Variants in PLCE1 observed in about 807,000 individuals in gnomAD.
PLCE1 encodes phospholipase C epsilon 1.
PLCE1 carries 119 observed loss-of-function variants against 242.8 expected under a neutral mutation model. The ratio of observed to expected loss-of-function variants is 0.49; its 90% confidence interval spans 0.42 to 0.57. The LOEUF (loss-of-function observed/expected upper bound fraction) is 0.57, where lower values mean the gene tolerates loss of function less well. PLCE1 is among the 20% of genes least tolerant of loss of function. The pLI, the probability that PLCE1 is intolerant of heterozygous loss-of-function variation, is 0.00. For missense variants in PLCE1, 2,441 were observed against 2,788.8 expected, an observed-to-expected ratio of 0.88 and a Z score of 2.81; for synonymous variants, 945 against 1,017.4, an observed-to-expected ratio of 0.93 and a Z score of 1.35.
intron 24 of PLCE1, among the ~76,000 whole-genome samples, chr10:94,302,129 C>T (rs1467641858): frequency 1.3e-5 from 2 of 152,116 alleles, no homozygotes; most frequent in Admixed American, 6.6e-5. Context: ...GGGACCATGT[C>T]CAGGGGACAG....
rs2052116833 is a variant in PLCE1, at chr10:94,279,622, G to T, written c.4666-160G>T. Reference sequence around the variant, plus strand: ...TAACGTTCACCCAAGTGTTGACATTGCATTTCGAGGGAATCTAGATTTTTT... The same window carrying T: ...TAACGTTCACCCAAGTGTTGACATTTCATTTCGAGGGAATCTAGATTTTTT... On this transcript the variant is annotated intron_variant, in intron 19 of 32. Transcript: ENST00000371380. 4.2e-6 allele frequency: 3 copies of T among 715,020 alleles called. No homozygotes were observed. In the South Asian group the frequency reaches 5.0e-5, roughly 12 times the overall value. 44.3% of individuals were successfully genotyped at this position (715,020 alleles called of 1,614,324 possible).
intron 4 of PLCE1, among the ~76,000 whole-genome samples, chr10:94,198,923 G>A (rs970643919): frequency 5.9e-5 from 9 of 152,112 alleles, no homozygotes; most frequent in African/African-American, 9.7e-5. Flanking sequence ...ATGGTGGCAC[G>A]CACCTGTAGT....
intron 4 of PLCE1, among the ~76,000 whole-genome samples, chr10:94,216,441 G>T (rs1401361068): frequency 6.6e-6 from 1 of 152,156 alleles, no homozygotes; most frequent in African/African-American, 2.4e-5. Flanking sequence ...TAGACACTCA[G>T]GAATGATTTG....
At chr10:94,248,726 A>G (rs926258436) in intron 8 of PLCE1, among the ~76,000 whole-genome samples, 3 of 152,052 alleles carry the variant, frequency 2.0e-5, no homozygotes, top group Non-Finnish European at 4.4e-5. Context: ...AATTACAGCT[A>G]TTCCTTGGCC....
intron 16 of PLCE1, among the ~76,000 whole-genome samples, chr10:94,268,655 G>A (rs972457911): frequency 2.0e-5 from 3 of 152,158 alleles, no homozygotes; most frequent in Admixed American, 6.5e-5. Flanking sequence ...AAGTTGCTAG[G>A]AAAATGGCCA....
At position 94,332,179 on chromosome 10, in the gene PLCE1, T is replaced by A. The variant is rs2133975560; in HGVS notation, c.*4236T>A. 6.6e-6 allele frequency: 1 copy of A among 152,338 alleles called. No individual in the cohort carries two copies. Among genetic ancestry groups the A allele is most frequent in the Non-Finnish European group, 1.5e-5 (1 of 68,084 alleles). 9.4% of individuals were successfully genotyped at this position (152,338 alleles called of 1,614,324 possible). A position where few individuals can be genotyped will look rare whatever the true frequency, so the allele number is the denominator to read the frequency against. ...CCACCACACCTGGCCTACCTACTCT[T>A]ATACATCTCTTAGATTCAAAACATA... On this transcript the variant is annotated 3_prime_UTR_variant, in exon 33 of 33. Transcript: ENST00000371380.
chr10:94,055,606 C>T (rs1450044017), intron 2 of PLCE1, among the ~76,000 whole-genome samples: 4 of 152,166 alleles, frequency 2.6e-5, no homozygotes, highest in Non-Finnish European at 4.4e-5. Flanking sequence ...GAGTGAATCA[C>T]GGTGCCTAGC....
At chr10:94,012,114 A>G (rs577003504) in intron 1 of PLCE1, among the ~76,000 whole-genome samples, 15 of 152,188 alleles carry the variant, frequency 9.9e-5, no homozygotes, top group African/African-American at 2.6e-4. Context: ...CTGGTGCACA[A>G]CTTCCCAGGC....
chr10:94,238,012 G>A (rs903012034), intron 7 of PLCE1, among the ~76,000 whole-genome samples: 9 of 152,144 alleles, frequency 5.9e-5, no homozygotes, highest in Non-Finnish European at 5.9e-5. Flanking sequence ...ATGGTCCTTT[G>A]GTTTACCCCA....
intron 2 of PLCE1, among the ~76,000 whole-genome samples, chr10:94,113,136 G>T (rs1307802685): frequency 3.9e-5 from 6 of 152,134 alleles, no homozygotes; most frequent in Non-Finnish European, 7.4e-5. Flanking sequence ...CTTTAAATGG[G>T]TATGAGACTT....
At chr10:94,161,147 A>G (rs1322133414) in intron 3 of PLCE1, among the ~76,000 whole-genome samples, 2 of 152,110 alleles carry the variant, frequency 1.3e-5, no homozygotes, top group African/African-American at 4.8e-5. Context: ...CTGTGAAGAA[A>G]GTTTGGTTCC....
intron 2 of PLCE1, among the ~76,000 whole-genome samples, chr10:94,043,127 A>G (rs1755098777): frequency 6.6e-6 from 1 of 152,168 alleles, no homozygotes; most frequent in Admixed American, 6.5e-5. Context: ...ACACTATTTA[A>G]ACCTCCCTGC....
At chr10:94,299,066 A>G (rs964030411) in intron 24 of PLCE1, among the ~76,000 whole-genome samples, 5 of 152,186 alleles carry the variant, frequency 3.3e-5, no homozygotes, top group African/African-American at 1.2e-4. Context: ...CACTCCAACC[A>G]CTTTGCAAGT....
At chr10:94,235,846 T>C in intron 6 of PLCE1, 69 bp from the exon 7 acceptor site, 1 of 1,516,244 alleles carries the variant, frequency 6.6e-7, no homozygotes, top group Non-Finnish European at 9.1e-7. Flanking sequence ...TATGATTTCA[T>C]TTCCCTAGCC....
At chr10:94,104,589 T>C (rs1049870063) in intron 2 of PLCE1, 4 of 152,226 alleles carry the variant, frequency 2.6e-5, no homozygotes, top group Admixed American at 1.3e-4. Context: ...TTTTGCGGCT[T>C]CTGTTTGCCA....
At chr10:94,007,442 A>G (rs953288087) in intron 1 of PLCE1, among the ~76,000 whole-genome samples, 2 of 152,192 alleles carry the variant, frequency 1.3e-5, no homozygotes, top group African/African-American at 2.4e-5. Context: ...AACTAGTTCC[A>G]CTGCCTTCCT....
At chr10:94,105,764 A>AT (rs2045706620) in intron 2 of PLCE1, 1 of 152,226 alleles carries the variant, frequency 6.6e-6, no homozygotes. Flanking sequence ...GCCCTTTATC[A>AT]TCTGGCATTA....
chr10:94,246,346 G>A lies in PLCE1; in HGVS notation c.2821G>A (p.Val941Met). 6.2e-7 allele frequency: 1 copy of A among 1,614,168 alleles called. No individual in the cohort carries two copies. The highest frequency in any genetic ancestry group is 8.5e-7 in the Non-Finnish European group (1 of 1,180,026). Residue 941 changes from valine to methionine, a missense_variant, in exon 8 of 33, where the codon GTG becomes ATG. Transcript: ENST00000371380. ...GGAAGGGGTCTTGGATCTTTTTGCA[G>A]TGAAGGCTGTATACATGGGCCACCC... ...LTEGVLDLFA[V>M]KAVYMGHPGI...
At chr10:94,233,126 T>C (rs1458927425) in intron 5 of PLCE1, among the ~76,000 whole-genome samples, 3 of 152,248 alleles carry the variant, frequency 2.0e-5, no homozygotes, top group Admixed American at 6.5e-5. Flanking sequence ...AGGTAACACC[T>C]TGTGAGGGCC....
Sources: allele counts gnomAD v4.1 joint callset (sites outside exome capture counted in the v4.1 genomes callset), GRCh38; gene constraint gnomAD v4.1.1; transcripts MANE v1.5; gene names NCBI Gene and HGNC (gene_info 2026-07-23, HGNC 2026-07-21).